PPP1R14C: variants seen among roughly 807,000 people sequenced by gnomAD.
PPP1R14C encodes the protein protein phosphatase 1 regulatory subunit 14C.
A neutral mutation model predicts 20.4 loss-of-function variants in PPP1R14C; 16 were observed. That is an observed-to-expected ratio of 0.78 (90% CI 0.53 to 1.19). The LOEUF (loss-of-function observed/expected upper bound fraction) is 1.19. Among genes scored for constraint, PPP1R14C ranks in the 50% most tolerant of loss-of-function variants. The pLI is 0.00. For synonymous variants in PPP1R14C, 91 were observed against 91.0 expected (o/e 1.00, Z 0.00); for missense variants, 211 against 220.1 (o/e 0.96, Z 0.26).
chr6:150,145,009 T>C (rs1777166856), intron 1 of PPP1R14C, among the ~76,000 whole-genome samples: 1 of 152,066 alleles, frequency 6.6e-6, no homozygotes, highest in African/African-American at 2.4e-5. Context: ...TTTTTTTTTC[T>C]CCATTTGGGA....
chr6:150,199,150 G>T (rs1023740543), intron 1 of PPP1R14C, among the ~76,000 whole-genome samples: 2 of 152,122 alleles, frequency 1.3e-5, no homozygotes, highest in African/African-American at 2.4e-5. Flanking sequence ...ACGGGTCAGT[G>T]GCTTTGGAGG....
At chr6:150,149,723 G>A (rs1209748760) in intron 1 of PPP1R14C, among the ~76,000 whole-genome samples, 1 of 152,140 alleles carries the variant, frequency 6.6e-6, no homozygotes, top group East Asian at 1.9e-4. Context: ...GGAGCCACAA[G>A]CTGCCACTAA....
chr6:150,238,309 T>C (rs879920116), intron 3 of PPP1R14C, among the ~76,000 whole-genome samples: 1 of 152,170 alleles, frequency 6.6e-6, no homozygotes, highest in Non-Finnish European at 1.5e-5. Context: ...AATGGCCAGA[T>C]CTTAGAAACT....
At chr6:150,230,107 T>C (rs12528084) in intron 3 of PPP1R14C, among the ~76,000 whole-genome samples, 6,038 of 152,218 alleles carry the variant, frequency 0.04, 195 homozygotes, top group East Asian at 0.15. Flanking sequence ...GTTCTTTGGG[T>C]GAGGACATTT....
At chr6:150,225,802 A>G (rs1488436485) in intron 3 of PPP1R14C, among the ~76,000 whole-genome samples, 2 of 152,252 alleles carry the variant, frequency 1.3e-5, no homozygotes, top group African/African-American at 4.8e-5. Context: ...CACATGACAT[A>G]AAGCTTCACA....
chr6:150,190,988 T>C (rs1293045541), intron 1 of PPP1R14C, among the ~76,000 whole-genome samples: 5 of 152,100 alleles, frequency 3.3e-5, no homozygotes, highest in Non-Finnish European at 7.4e-5. Flanking sequence ...GTGATCTGAC[T>C]CCCCCACCCT....
At chr6:150,167,344 G>A (rs755904535) in intron 1 of PPP1R14C, among the ~76,000 whole-genome samples, 9 of 151,988 alleles carry the variant, frequency 5.9e-5, no homozygotes, top group Admixed American at 2.6e-4. Flanking sequence ...CTCCAGCCTG[G>A]GTGACAGAGC....
At chr6:150,174,511 T>C (rs551144205) in intron 1 of PPP1R14C, among the ~76,000 whole-genome samples, 12 of 151,612 alleles carry the variant, frequency 7.9e-5, no homozygotes, top group East Asian at 2.0e-4. Context: ...CCACCACGCC[T>C]GGCCGTGTGT....
chr6:150,203,422 T>C (rs1042855324), intron 1 of PPP1R14C, among the ~76,000 whole-genome samples: 1 of 152,248 alleles, frequency 6.6e-6, no homozygotes, highest in Non-Finnish European at 1.5e-5. Flanking sequence ...ATACTCCAAG[T>C]GCAGTGTGTC....
chr6:150,203,254 G>A (rs999094625), intron 1 of PPP1R14C, among the ~76,000 whole-genome samples: 4 of 152,174 alleles, frequency 2.6e-5, no homozygotes, highest in African/African-American at 4.8e-5. Context: ...ATCCCTGATG[G>A]TTTTACTATC....
Position 150,233,270 on chromosome 6 carries a change from A to C in PPP1R14C, c.424-15476A>C, listed in dbSNP as rs186462548. On this transcript the variant is annotated intron_variant, in intron 3 of 3. Coordinates refer to ENST00000361131, the MANE Select transcript of PPP1R14C (RefSeq NM_030949.3). ...GGGGCGGTTAGAGACCCAGGTGGAG[A>C]AAGTACAGCAAATCTTCACTTCACA... 6.6e-5 allele frequency among the ~76,000 whole-genome samples: 10 copies of C among 152,274 alleles called. No homozygotes were observed. In the East Asian group the frequency reaches 1.2e-3, roughly 18 times the overall value.
rs117177344 is a variant in PPP1R14C, at chr6:150,240,819, T to C, written c.424-7927T>C. 4.6e-3 allele frequency among the ~76,000 whole-genome samples: 695 copies of C among 152,338 alleles called. 3 individuals are homozygous for C. The highest frequency in any genetic ancestry group is 0.014 in the Middle Eastern group (4 of 294). On this transcript the variant is annotated intron_variant, in intron 3 of 3. Transcript: ENST00000361131. ...TTAGTTTCCCTGCCTCCAGACCCTA[T>C]TCTCCTGCCTTAACATTGTAATATA...
chr6:150,164,345 A>G (rs886932218), intron 1 of PPP1R14C, among the ~76,000 whole-genome samples: 12 of 152,328 alleles, frequency 7.9e-5, no homozygotes, highest in Non-Finnish European at 1.6e-4. Flanking sequence ...CACTCTCTGA[A>G]TGGTGACTTT....
chr6:150,216,832 T>A lies in PPP1R14C; in HGVS notation c.399T>A (p.Leu133=), dbSNP rs199696041. 5 of 1,602,674 alleles carry A rather than the reference T, an allele frequency of 3.1e-6. No homozygotes were observed. Among genetic ancestry groups the A allele is most frequent in the Non-Finnish European group, 4.3e-6 (5 of 1,173,632 alleles). ...EERASKLQEA[L]VDCYKPTEEF... ...TGTGTGTTTAATTCTAGGAAGCTCT[T>A]GTAGACTGCTACAAACCAACAGAGG... Residue 133 remains leucine, a synonymous_variant, in exon 3 of 4, where the codon CTT becomes CTA. Coordinates refer to ENST00000361131, the MANE Select transcript of PPP1R14C (RefSeq NM_030949.3).
At position 150,194,558 on chromosome 6, in the gene PPP1R14C, T is replaced by A. The variant is rs893159530; in HGVS notation, c.307-20186T>A. 7.2e-6 allele frequency: 7 copies of A among 973,456 alleles called. No homozygotes were observed. In the African/African-American group the frequency reaches 1.1e-4, roughly 15 times the overall value. The allele number at this position is 973,456 out of a possible 1,614,324, so 60.3% of individuals were successfully genotyped here. ...AATTAAAGGAGTAGCTCTTTGATTA[T>A]CTACCAGTAGGATGCAAAAATGATT... is the stretch of plus-strand genomic sequence containing the variant. On this transcript the variant is annotated intron_variant, in intron 1 of 3. Transcript: ENST00000361131.
chr6:150,230,029 C>T (rs1446232093), intron 3 of PPP1R14C, among the ~76,000 whole-genome samples: 1 of 152,186 alleles, frequency 6.6e-6, no homozygotes, highest in Non-Finnish European at 1.5e-5. Context: ...CTCATCAGTA[C>T]TGATTCAACT....
intron 1 of PPP1R14C, among the ~76,000 whole-genome samples, chr6:150,178,242 TA>T (rs1777584613): frequency 6.6e-6 from 1 of 152,096 alleles, no homozygotes; most frequent in African/African-American, 2.4e-5. Flanking sequence ...GGAACAGTGG[TA>T]GTAGGTCTGG....
intron 3 of PPP1R14C, among the ~76,000 whole-genome samples, chr6:150,239,215 T>A (rs1259574277): frequency 6.6e-6 from 1 of 152,214 alleles, no homozygotes; most frequent in African/African-American, 2.4e-5. Context: ...CCAATATACG[T>A]ACAAGTTACA....
intron 1 of PPP1R14C, among the ~76,000 whole-genome samples, chr6:150,209,850 T>C (rs1280632193): frequency 1.3e-5 from 2 of 151,868 alleles, no homozygotes; most frequent in Non-Finnish European, 1.5e-5. Flanking sequence ...TTTGTGTGTG[T>C]GTGTGTGTGG....
Sources: gnomAD v4.1 joint callset for allele counts (sites outside exome capture counted in the v4.1 genomes callset) on GRCh38, gnomAD v4.1.1 for gene constraint, MANE v1.5 for transcripts, NCBI Gene and HGNC (gene_info 2026-07-23, HGNC 2026-07-21) for gene names.